Variants in CAND2 observed in about 807,000 individuals in gnomAD.
CAND2 encodes cullin-associated NEDD8-dissociated protein 2.
A neutral mutation model predicts 98.9 loss-of-function variants in CAND2; 62 were observed. The observed-to-expected ratio is 0.63, with a 90% confidence interval of 0.51 to 0.77. The LOEUF (loss-of-function observed/expected upper bound fraction) is 0.77. Among genes scored for constraint, CAND2 ranks in the 30% least tolerant of loss-of-function variants. The pLI is 0.00. For synonymous variants in CAND2, 770 were observed against 731.9 expected, an observed-to-expected ratio of 1.05 and a Z score of -0.84; for missense variants, 1,501 against 1,655.2, an observed-to-expected ratio of 0.91 and a Z score of 1.62.
intron 11 of CAND2, among the ~76,000 whole-genome samples, chr3:12,821,868 C>T (rs2061959289): frequency 6.6e-6 from 1 of 152,288 alleles, no homozygotes; most frequent in South Asian, 2.1e-4. Context: ...TAACTTTGAT[C>T]ACCCAGTTCA....
At chr3:12,796,841 C>G in intron 1 of CAND2, 53 bp downstream of exon 1, 1 of 1,448,108 alleles carries the variant, frequency 6.9e-7, no homozygotes, top group Non-Finnish European at 9.5e-7. Flanking sequence ...AGCCGGGGGC[C>G]TTCTTCCCCT....
chr3:12,815,623 G>T lies in CAND2; in HGVS notation c.1299+190G>T, dbSNP rs1250519133. On this transcript the variant is annotated intron_variant, in intron 8 of 14. Coordinates refer to ENST00000456430, the MANE Select transcript of CAND2 (RefSeq NM_001162499.2). This position sits in a 1 kb window ranked among gnomAD's most constrained non-coding sequence, Gnocchi z 5.7. Reference sequence around the variant, plus strand: ...TAGTAGTGACAGCCAGCCTGCCTGAGTGAGCTTGAGCAAGTTGCTTGGTCT... The same window carrying T: ...TAGTAGTGACAGCCAGCCTGCCTGATTGAGCTTGAGCAAGTTGCTTGGTCT... Among the ~76,000 whole-genome samples the T allele has an allele frequency of 6.6e-6, 1 of 152,210 alleles. No homozygotes were observed. Among genetic ancestry groups the T allele is most frequent in the African/African-American group, 2.4e-5 (1 of 41,452 alleles).
In CAND2 at chr3:12,816,450, G is replaced by C; in HGVS notation, c.1518G>C (p.Leu506=). The change falls in exon 10 of 15, where the codon CTG becomes CTC. Residue 506 remains leucine, a synonymous_variant. Coordinates refer to ENST00000456430, the MANE Select transcript of CAND2 (RefSeq NM_001162499.2). ...RMDALAFLQG[L]LGTEPAEAFH... The stretch of plus-strand genomic sequence containing the variant: ...ATGCCCTGGCCTTCTTGCAGGGGCT[G>C]CTGGGCACCGAACCAGCTGAGGCCT... The C allele has an allele frequency of 6.2e-7, 1 of 1,613,910 alleles. No individual in the cohort carries two copies. Among genetic ancestry groups the C allele is most frequent in the Non-Finnish European group, 8.5e-7 (1 of 1,179,980 alleles).
chr3:12,809,867 C>A, intron 4 of CAND2, 192 bp from the exon 5 acceptor site: 1 of 638,972 alleles, frequency 1.6e-6, no homozygotes, highest in Non-Finnish European at 2.4e-6. Flanking sequence ...CCCTTTCTCT[C>A]TCCGCTTTCT....
At chr3:12,819,954 T>C in intron 10 of CAND2, 132 bp from the exon 11 acceptor site, 3 of 680,682 alleles carry the variant, frequency 4.4e-6, no homozygotes, top group Non-Finnish European at 7.7e-6. Flanking sequence ...AGAATCCACT[T>C]TCCCAGAGAT....
intron 1 of CAND2, among the ~76,000 whole-genome samples, chr3:12,799,166 C>T (rs180963746): frequency 5.3e-5 from 8 of 152,240 alleles, no homozygotes; most frequent in Non-Finnish European, 1.2e-4. Context: ...TTGCTGTTAC[C>T]GTAGGCAGTT....
At chr3:12,800,209 T>G (rs931588595) in intron 1 of CAND2, among the ~76,000 whole-genome samples, 2 of 152,204 alleles carry the variant, frequency 1.3e-5, no homozygotes, top group Non-Finnish European at 2.9e-5. Context: ...CAGCCCAGCC[T>G]CCTTCTCTCT....
chr3:12,802,948 A>T (rs1274810452), intron 1 of CAND2, among the ~76,000 whole-genome samples: 2 of 150,966 alleles, frequency 1.3e-5, no homozygotes, highest in African/African-American at 4.9e-5. Context: ...GGTAGAAAAG[A>T]TTAAAATGGC....
chr3:12,833,489 C>T (rs1334678239), intron 14 of CAND2, among the ~76,000 whole-genome samples: 7 of 152,132 alleles, frequency 4.6e-5, no homozygotes, highest in African/African-American at 1.7e-4. Flanking sequence ...AAAGCGAGCA[C>T]TTCAGATTGG....
chr3:12,816,496 C>G lies in CAND2; in HGVS notation c.1564C>G (p.Leu522Val). 2.5e-6 allele frequency: 4 copies of G among 1,613,996 alleles called. No individual in the cohort carries two copies. Among genetic ancestry groups the G allele is most frequent in the Non-Finnish European group, 3.4e-6 (4 of 1,179,966 alleles). ...GGCCTTCCACCCACACTTGCCTATC[C>G]TCCTGCCACCTGTGATGGCCTGTGT... ...AEAFHPHLPILLPPVMACVAD... is the reference protein window; with the variant it reads ...AEAFHPHLPIVLPPVMACVAD... The change falls in exon 10 of 15, where the codon CTC (leucine) becomes GTC (valine). Residue 522 changes from leucine to valine, a missense_variant. Leu to Val is a conservative substitution (Grantham distance 32). Transcript: ENST00000456430.
Position 12,807,380 on chromosome 3 carries a change from G to T in CAND2, c.287G>T (p.Arg96Leu). The T allele has an allele frequency of 6.4e-7, 1 of 1,551,728 alleles. No homozygotes were observed. Among genetic ancestry groups the T allele is most frequent in the Non-Finnish European group, 8.7e-7 (1 of 1,146,988 alleles). The part of the protein sequence containing the change: ...TIVDTLCTNM[R>L]SDKEQLRDIA... The stretch of plus-strand genomic sequence containing the variant: ...GTGGACACCCTGTGCACCAACATGC[G>T]GTCAGACAAGGAGCAGCTGCGAGAC... The change falls in exon 3 of 15, where the codon CGG (arginine) becomes CTG (leucine). Residue 96 changes from arginine to leucine, a missense_variant. By Grantham distance (102) the Arg-to-Leu change is moderately radical. Around this residue, in one of 3 missense-constraint regions of CAND2, gnomAD observed 1,427 missense variants for 1,545.3 expected, o/e 0.92. Transcript: ENST00000456430.
chr3:12,803,146 C>T lies in CAND2; in HGVS notation c.69-342C>T, dbSNP rs138697810. ...CTGGGACTACAGGCGCCCGCCACCA[C>T]ACCTGGCTAATTTTTTGTATTTTGT... On this transcript the variant is annotated intron_variant, in intron 1 of 14. Transcript: ENST00000456430. Among the ~76,000 whole-genome samples the T allele has an allele frequency of 1.2e-3, 178 of 152,202 alleles. 2 individuals are homozygous for T. The highest frequency in any genetic ancestry group is 4.1e-3 in the African/African-American group (169 of 41,524).
chr3:12,816,345 G>C (rs1255884915), intron 9 of CAND2, 29 bp from the exon 10 acceptor site: 6 of 1,576,070 alleles, frequency 3.8e-6, no homozygotes, highest in African/African-American at 2.7e-5. Context: ...AGAGGCGGTG[G>C]CCTCATAACC....
In CAND2 at chr3:12,810,139, T is replaced by C; in HGVS notation, c.572T>C (p.Val191Ala). The change falls in exon 5 of 15, where the codon GTG becomes GCG. Residue 191 changes from valine (V) to alanine (A), a missense_variant. Coordinates refer to ENST00000456430, the MANE Select transcript of CAND2 (RefSeq NM_001162499.2). ...CAGCTGAGCAGCCCGCGCCTGGCGGTGCGCAAGCGGGCGGTCGGAGCGCTT... is the reference window on the plus strand; with the variant it reads ...CAGCTGAGCAGCCCGCGCCTGGCGGCGCGCAAGCGGGCGGTCGGAGCGCTT... ...LPQLSSPRLA[V>A]RKRAVGALGH... is the part of the protein sequence containing the mutation. 1 of 1,523,336 alleles carries C rather than the reference T, an allele frequency of 6.6e-7. No individual in the cohort carries two copies. Among genetic ancestry groups the C allele is most frequent in the Non-Finnish European group, 8.8e-7 (1 of 1,140,896 alleles). The allele number at this position is 1,523,336 out of a possible 1,614,324, so 94.4% of individuals were successfully genotyped here. A position where few individuals can be genotyped will look rare whatever the true frequency, so the allele number is the denominator to read the frequency against.
Position 12,810,052 on chromosome 3 carries a change from T to C in CAND2, c.492-7T>C. On this transcript the variant is annotated splice_polypyrimidine_tract_variant and splice_region_variant and intron_variant, in intron 4 of 14. Transcript: ENST00000456430. ...CGATCGGCCTGATGCCCCCTCGTGC[T>C]CCCCAGGCTGGGTGTCCCGCTGGGC... The C allele has an allele frequency of 7.1e-7, 1 of 1,410,456 alleles. No homozygotes were observed. 87.4% of individuals were successfully genotyped at this position (1,410,456 alleles called of 1,614,324 possible).
In CAND2 at chr3:12,817,835, C is replaced by CTTCG. The variant is rs747533475; in HGVS notation, c.2907_2910dup (p.Leu971ValfsTer37). On this transcript the variant is annotated frameshift_variant, in exon 10 of 15. Coordinates refer to ENST00000456430, the MANE Select transcript of CAND2 (RefSeq NM_001162499.2). LOFTEE classifies it high-confidence loss of function. ...ATTGGGAAGCTGGTCCTTGTGAACC[C>CTTCG]TTCGTTCCTTCTGCCCCGCTTGCGG... The CTTCG allele has an allele frequency of 6.6e-7, 1 of 1,514,014 alleles. No homozygotes were observed. Among genetic ancestry groups the CTTCG allele is most frequent in the East Asian group, 2.3e-5 (1 of 43,736 alleles). 93.8% of individuals were successfully genotyped at this position (1,514,014 alleles called of 1,614,324 possible).
At chr3:12,796,904 C>A (rs1575759901) in intron 1 of CAND2, 116 bp downstream of exon 1, 2 of 832,264 alleles carry the variant, frequency 2.4e-6, no homozygotes, top group East Asian at 5.3e-5. Context: ...CCTCTTCTCT[C>A]TTCTCCCTGC....
At position 12,816,498 on chromosome 3, in the gene CAND2, C is replaced by G. The variant is rs1395272755; in HGVS notation, c.1566C>G (p.Leu522=). The part of the protein sequence containing the change: ...AEAFHPHLPI[L]LPPVMACVAD... ...CCTTCCACCCACACTTGCCTATCCT[C>G]CTGCCACCTGTGATGGCCTGTGTGG... Residue 522 remains leucine, a synonymous_variant, in exon 10 of 15, where the codon CTC becomes CTG. Transcript: ENST00000456430. 3.7e-6 allele frequency: 6 copies of G among 1,614,036 alleles called. No individual in the cohort carries two copies. Among genetic ancestry groups the G allele is most frequent in the Non-Finnish European group, 5.1e-6 (6 of 1,179,970 alleles).
At chr3:12,804,418 GC>G (rs2061790466) in intron 2 of CAND2, among the ~76,000 whole-genome samples, 1 of 152,126 alleles carries the variant, frequency 6.6e-6, no homozygotes, top group South Asian at 2.1e-4. Context: ...AGCCAAGATT[GC>G]GCCATTGCAC....
Sources: allele counts gnomAD v4.1 joint callset (sites outside exome capture counted in the v4.1 genomes callset), GRCh38; gene constraint gnomAD v4.1.1; regional missense constraint gnomAD v4.1.1; non-coding constraint Gnocchi (gnomAD v3.1); transcripts MANE v1.5; gene names NCBI Gene and HGNC (gene_info 2026-07-23, HGNC 2026-07-21).